Variants in NF2 observed in about 807,000 individuals in gnomAD.
The protein encoded by NF2 is merlin.
A neutral mutation model predicts 83.7 loss-of-function variants in NF2; 8 were observed. The observed-to-expected ratio is 0.10, with a 90% CI of 0.06 to 0.17. NF2 has a LOEUF of 0.17. Among genes scored for constraint, NF2 ranks in the 10% least tolerant of loss-of-function variants. The pLI is 1.00. For missense variants in NF2, 533 were observed against 744.4 expected (o/e 0.72, Z 3.31); for synonymous variants, 266 against 269.6 (o/e 0.99, Z 0.13).
intron 4 of NF2, among the ~76,000 whole-genome samples, chr22:29,653,008 C>A (rs186569850): frequency 3.3e-5 from 5 of 152,306 alleles, no homozygotes; most frequent in African/African-American, 4.8e-5. Flanking sequence ...GTAGCCTTAA[C>A]CCGTGGGCTC....
chr22:29,631,340 A>C (rs113971935), intron 1 of NF2, among the ~76,000 whole-genome samples: 4 of 152,220 alleles, frequency 2.6e-5, no homozygotes, highest in African/African-American at 7.2e-5. Flanking sequence ...CTCAAACAGC[A>C]TCTCTCCTCA....
intron 14 of NF2, among the ~76,000 whole-genome samples, chr22:29,681,128 C>T (rs772661946): frequency 1.3e-5 from 2 of 151,828 alleles, no homozygotes; most frequent in Non-Finnish European, 2.9e-5. Flanking sequence ...TGGGCTCAAG[C>T]AATCCTCCTG....
At chr22:29,660,675 T>G (rs1287987711) in intron 7 of NF2, among the ~76,000 whole-genome samples, 2 of 152,224 alleles carry the variant, frequency 1.3e-5, no homozygotes, top group Non-Finnish European at 2.9e-5. Context: ...CCAGTTCTCC[T>G]GCTCAGCCTC....
intron 12 of NF2, among the ~76,000 whole-genome samples, chr22:29,674,596 C>T (rs549743215): frequency 6.6e-6 from 1 of 152,200 alleles, no homozygotes; most frequent in Non-Finnish European, 1.5e-5. Flanking sequence ...CTCTCATTCC[C>T]CACCAGTTTT....
rs1216540232 is a variant in NF2 at position 29,673,402 on chromosome 22, C to G, written c.1256C>G (p.Thr419Arg). Residue 419 changes from threonine to arginine, a missense_variant, in exon 12 of 16, where the codon ACG (threonine) becomes AGG (arginine). Thr to Arg is a moderately conservative substitution (Grantham distance 71). Around this residue, in one of 3 missense-constraint regions of NF2, gnomAD observed 199 missense variants for 240.7 expected, o/e 0.83. Transcript: ENST00000338641. ...MQRIKATAIR[T>R]EEEKRLMEQK... Reference sequence around the variant, plus strand: ...CGCATCAAGGCCACAGCGATTCGCACGGAGGAGGAGAAGCGCCTGATGGAG... The same window carrying G: ...CGCATCAAGGCCACAGCGATTCGCAGGGAGGAGGAGAAGCGCCTGATGGAG... 6.2e-7 allele frequency: 1 copy of G among 1,612,358 alleles called. No individual in the cohort carries two copies. Among genetic ancestry groups the G allele is most frequent in the Non-Finnish European group, 8.5e-7 (1 of 1,179,502 alleles).
chr22:29,665,227 C>A (rs1239113603), intron 9 of NF2, among the ~76,000 whole-genome samples, 163 bp downstream of exon 9: 1 of 144,584 alleles, frequency 6.9e-6, no homozygotes, highest in Non-Finnish European at 1.5e-5. Flanking sequence ...TAAATTATAT[C>A]ATGAAGAAGT....
chr22:29,696,730 G>A lies in NF2; in HGVS notation c.*1928G>A. The A allele has an allele frequency of 4.5e-6, 1 of 220,328 alleles. No individual in the cohort carries two copies. Among genetic ancestry groups the A allele is most frequent in the Non-Finnish European group, 9.1e-6 (1 of 109,922 alleles). 13.6% of individuals were successfully genotyped at this position (220,328 alleles called of 1,614,324 possible). ...GATGTTGTGGCCCTGTGTCTTCCTA[G>A]TGTGACCCAGCCAGGAGCGGAAGCT... On this transcript the variant is annotated 3_prime_UTR_variant, in exon 16 of 16. Coordinates refer to ENST00000338641, the MANE Select transcript of NF2 (RefSeq NM_000268.4).
At chr22:29,632,373 C>A (rs2065537715) in intron 1 of NF2, among the ~76,000 whole-genome samples, 1 of 152,108 alleles carries the variant, frequency 6.6e-6, no homozygotes, top group Admixed American at 6.6e-5. Flanking sequence ...TCTTTTCTAC[C>A]ATGAGCCAGT....
rs151128957 is a variant in NF2, at chr22:29,611,312, C to A, written c.114+7200C>A. 2.1e-4 allele frequency among the ~76,000 whole-genome samples: 32 copies of A among 152,200 alleles called. 1 individual carries two copies. Among genetic ancestry groups the A allele is most frequent in the African/African-American group, 7.2e-4 (30 of 41,532 alleles). ...CAAGGTTGGAGGGATCACTTGAGGT[C>A]AGGAGTTCAAGAACAGCCTGGCCAA... On this transcript the variant is annotated intron_variant, in intron 1 of 15. Transcript: ENST00000338641.
rs559279166 is a variant in NF2 at position 29,667,285 on chromosome 22, T to C, written c.886-1048T>C. Reference sequence around the variant, plus strand: ...TAGGGTCTCACTCTGTTGCCCAGGCTGAAATGTAATGACACGATCATGTCT... The same window carrying C: ...TAGGGTCTCACTCTGTTGCCCAGGCCGAAATGTAATGACACGATCATGTCT... On this transcript the variant is annotated intron_variant, in intron 9 of 15. Coordinates refer to ENST00000338641, the MANE Select transcript of NF2 (RefSeq NM_000268.4). Among the ~76,000 whole-genome samples, 4 of 152,220 alleles carry C rather than the reference T, an allele frequency of 2.6e-5. No homozygotes were observed. The East Asian group carries it at 5.8e-4, about 22-fold the overall frequency.
chr22:29,654,578 T>G (rs2146965519), intron 4 of NF2, 79 bp from the exon 5 acceptor site: 2,038 of 1,166,646 alleles, frequency 1.7e-3, no homozygotes, highest in Non-Finnish European at 2.4e-3. Flanking sequence ...TGGGAGGGAA[T>G]GAGATTGGTC....
At position 29,673,473 on chromosome 22, in the gene NF2, G is replaced by A. The variant is rs1181051479; in HGVS notation, c.1327G>A (p.Glu443Lys). The change falls in exon 12 of 16, where the codon GAG becomes AAG. Residue 443 changes from glutamate to lysine, a missense_variant. Glu to Lys is a moderately conservative substitution (Grantham distance 56). Coordinates refer to ENST00000338641, the MANE Select transcript of NF2 (RefSeq NM_000268.4). ...GGTGCTGGCACTGAAGATGGCTGAG[G>A]AGTCAGAGAGGAGGTGAGGGGGCAC... The part of the protein sequence containing the change: ...AEVLALKMAE[E>K]SERRAKEADQ... The A allele has an allele frequency of 6.2e-7, 1 of 1,609,038 alleles. No homozygotes were observed. Among genetic ancestry groups the A allele is most frequent in the Non-Finnish European group, 8.5e-7 (1 of 1,178,548 alleles).
intron 1 of NF2, among the ~76,000 whole-genome samples, chr22:29,627,297 G>A (rs889953681): frequency 1.3e-5 from 2 of 152,206 alleles, no homozygotes; most frequent in African/African-American, 4.8e-5. Context: ...GACTTACCCA[G>A]CACAGCGGGT....
chr22:29,652,109 A>C (rs1451996067), intron 4 of NF2, among the ~76,000 whole-genome samples: 1 of 152,096 alleles, frequency 6.6e-6, no homozygotes, highest in African/African-American at 2.4e-5. Context: ...CTCACTCTAC[A>C]GATGAGGAAG....
chr22:29,644,518 T>C (rs2146914371), intron 4 of NF2, among the ~76,000 whole-genome samples: 2 of 150,396 alleles, frequency 1.3e-5, no homozygotes, highest in African/African-American at 4.9e-5. Flanking sequence ...CCAGACGGGG[T>C]GGCGGCCGGG....
intron 1 of NF2, among the ~76,000 whole-genome samples, chr22:29,620,678 T>C (rs2065195607): frequency 1.3e-5 from 2 of 151,864 alleles, no homozygotes; most frequent in East Asian, 1.9e-4. Flanking sequence ...TTGCCTGAGA[T>C]TGAGCCACTG....
intron 7 of NF2, among the ~76,000 whole-genome samples, chr22:29,660,524 T>TC (rs2066445717): frequency 6.6e-6 from 1 of 152,194 alleles, no homozygotes; most frequent in Admixed American, 6.5e-5. Flanking sequence ...TTCCTAGTAG[T>TC]CCAACAATGG....
chr22:29,669,154 T>C (rs1277525968), intron 10 of NF2, among the ~76,000 whole-genome samples: 1 of 152,196 alleles, frequency 6.6e-6, no homozygotes, highest in Non-Finnish European at 1.5e-5. Flanking sequence ...TGTGCACCTT[T>C]CTGATTTGGA....
intron 4 of NF2, among the ~76,000 whole-genome samples, chr22:29,642,636 C>CT (rs547937800): frequency 1.6e-4 from 23 of 144,746 alleles, no homozygotes; most frequent in Admixed American, 4.1e-4. Context: ...AACCTTTTTT[C>CT]TTTTTTTTTT....
Sources: gnomAD v4.1 joint callset for allele counts (sites outside exome capture counted in the v4.1 genomes callset) on GRCh38, gnomAD v4.1.1 for gene constraint, gnomAD v4.1.1 regional missense constraint, MANE v1.5 for transcripts, NCBI Gene and HGNC (gene_info 2026-07-23, HGNC 2026-07-21) for gene names.